Variants in ABCB1 observed in about 807,000 individuals in gnomAD.
ABCB1 encodes the protein ATP binding cassette subfamily B member 1.
ABCB1 carries 69 observed loss-of-function variants against 142.0 expected under a neutral mutation model. That is an observed-to-expected ratio of 0.49 (90% CI 0.40 to 0.59). ABCB1 has a LOEUF of 0.59. Ranked by LOEUF, ABCB1 falls within the 20% of genes least tolerant of loss-of-function variation. ABCB1 has a pLI of 0.00. For synonymous variants in ABCB1, 532 were observed against 539.2 expected (o/e 0.99, Z 0.18); for missense variants, 1,326 against 1,554.7 (o/e 0.85, Z 2.47).
At chr7:87,535,506 T>G (rs1407071342) in intron 20 of ABCB1, among the ~76,000 whole-genome samples, 1 of 141,806 alleles carries the variant, frequency 7.1e-6, no homozygotes, top group East Asian at 2.2e-4. Flanking sequence ...TCTATACAAC[T>G]TGATCTAAAC....
intron 1 of ABCB1, among the ~76,000 whole-genome samples, chr7:87,674,650 G>A (rs908052613): frequency 6.6e-6 from 1 of 152,016 alleles, no homozygotes; most frequent in Non-Finnish European, 1.5e-5. Flanking sequence ...TATTGGCAGG[G>A]GCTGGTCTGT....
At chr7:87,567,672 G>A (rs943986563) in intron 5 of ABCB1, among the ~76,000 whole-genome samples, 8 of 152,128 alleles carry the variant, frequency 5.3e-5, no homozygotes, top group Admixed American at 1.3e-4. Flanking sequence ...AATGCTTAAC[G>A]AATCAAATAG....
intron 1 of ABCB1, among the ~76,000 whole-genome samples, chr7:87,654,953 A>G (rs1216108414): frequency 1.3e-5 from 2 of 152,118 alleles, no homozygotes; most frequent in East Asian, 1.9e-4. Context: ...CAAAATCACT[A>G]TACAGCAAAT....
At chr7:87,618,951 G>A (rs1379951113) in intron 1 of ABCB1, among the ~76,000 whole-genome samples, 1 of 152,102 alleles carries the variant, frequency 6.6e-6, no homozygotes, top group Non-Finnish European at 1.5e-5. Flanking sequence ...ACTTGAATGA[G>A]CTTGGAAGTA....
At chr7:87,672,711 G>A (rs925306012) in intron 1 of ABCB1, among the ~76,000 whole-genome samples, 2 of 152,188 alleles carry the variant, frequency 1.3e-5, no homozygotes, top group Admixed American at 6.5e-5. Context: ...GGGTTCACAA[G>A]GAGATCTCCT....
chr7:87,567,096 A>G (rs1817815597), intron 5 of ABCB1, 120 bp from the exon 6 acceptor site: 1 of 901,028 alleles, frequency 1.1e-6, no homozygotes, highest in Non-Finnish European at 1.8e-6. Flanking sequence ...CTTAACAAAT[A>G]AGAAGGGGTT....
intron 7 of ABCB1, chr7:87,563,378 G>A (rs1174622809): frequency 2.0e-5 from 9 of 455,326 alleles, no homozygotes; most frequent in Non-Finnish European, 3.5e-5. Context: ...CTTTGGGCCA[G>A]TATCCTTGAT....
chr7:87,556,380 G>A (rs1271058478), intron 8 of ABCB1, among the ~76,000 whole-genome samples: 3 of 152,136 alleles, frequency 2.0e-5, no homozygotes, highest in African/African-American at 7.2e-5. Context: ...TATTCTATAC[G>A]ATTGAATGGA....
At chr7:87,590,868 T>G (rs1305709034) in intron 3 of ABCB1, among the ~76,000 whole-genome samples, 1 of 152,122 alleles carries the variant, frequency 6.6e-6, no homozygotes, top group Non-Finnish European at 1.5e-5. Context: ...GGGTAAATTT[T>G]TAGAAGAGCA....
At chr7:87,649,108 C>T (rs1034378759) in intron 1 of ABCB1, among the ~76,000 whole-genome samples, 4 of 151,998 alleles carry the variant, frequency 2.6e-5, no homozygotes, top group Admixed American at 2.0e-4. Context: ...CTGTCTTAGG[C>T]ACTCATATAC....
upstream of ABCB1, among the ~76,000 whole-genome samples, chr7:87,602,340 T>C (rs1819495117): frequency 6.9e-6 from 1 of 145,410 alleles, no homozygotes; most frequent in South Asian, 2.3e-4. Flanking sequence ...ATTAGGCTTC[T>C]AACAGGCCAC....
intron 1 of ABCB1, among the ~76,000 whole-genome samples, chr7:87,657,569 C>G (rs978412905): frequency 6.6e-6 from 1 of 152,184 alleles, no homozygotes; most frequent in African/African-American, 2.4e-5. Flanking sequence ...CAAAAACTCT[C>G]TCTCTCTTCC....
intron 14 of ABCB1, among the ~76,000 whole-genome samples, chr7:87,547,850 CA>C (rs1210127693): frequency 0.046 from 1,910 of 41,928 alleles, 16 homozygotes; most frequent in African/African-American, 0.11. Flanking sequence ...GACTCCATCT[CA>C]AAAAAAAAAA....
chr7:87,600,160 C>T lies in ABCB1; in HGVS notation c.25G>A (p.Gly9Arg). The T allele has an allele frequency of 6.2e-7, 1 of 1,614,138 alleles. No homozygotes were observed. Among genetic ancestry groups the T allele is most frequent in the South Asian group, 1.1e-5 (1 of 91,062 alleles). The change falls in exon 2 of 28, where the codon GGA (glycine) becomes AGA (arginine). Residue 9 changes from glycine (G) to arginine (R), a missense_variant. Transcript: ENST00000622132. MDLEGDRN[G>R]GAKKKNFFKL... ...AAAAAGTTCTTCTTCTTTGCTCCTC[C>T]ATTGCGGTCCCCTTCAAGATCCATT... is the stretch of plus-strand genomic sequence containing the variant.
In ABCB1 at chr7:87,544,890, C is replaced by G. The variant is rs750020655; in HGVS notation, c.1997G>C (p.Arg666Thr). 1 of 1,614,106 alleles carries G rather than the reference C, an allele frequency of 6.2e-7. No homozygotes were observed. The highest frequency in any genetic ancestry group is 1.3e-5 in the African/African-American group (1 of 75,052). ...NDSRSSLIRK[R>T]STRRSVRGSQ... ...TCCACGGACACTCCTACGAGTTGAT[C>G]TTTTTCTTATTAGACTGGATCTTGA... Residue 666 changes from arginine (R) to threonine (T), a missense_variant, in exon 16 of 28, where the codon AGA (arginine) becomes ACA (threonine). Physicochemically the swap from Arg to Thr is moderately conservative, Grantham distance 71 (BLOSUM62 -1). Transcript: ENST00000622132.
intron 23 of ABCB1, among the ~76,000 whole-genome samples, chr7:87,516,872 G>T (rs543595886): frequency 6.6e-6 from 1 of 151,654 alleles, no homozygotes; most frequent in East Asian, 1.9e-4. Context: ...TAGTAGCTGG[G>T]ACTACAACTG....
chr7:87,618,026 G>A (rs1003963246), intron 1 of ABCB1, among the ~76,000 whole-genome samples: 4 of 151,986 alleles, frequency 2.6e-5, no homozygotes, highest in African/African-American at 2.4e-5. Flanking sequence ...CTCCTACCTC[G>A]AGCTGCTTTA....
intron 26 of ABCB1, among the ~76,000 whole-genome samples, chr7:87,506,446 T>C (rs994476773): frequency 2.6e-5 from 4 of 152,206 alleles, no homozygotes; most frequent in African/African-American, 9.6e-5. Flanking sequence ...GGTGACACTC[T>C]CTGCATGATT....
At chr7:87,504,610 C>T (rs774951548) in intron 27 of ABCB1, among the ~76,000 whole-genome samples, 161 bp from the exon 28 acceptor site, 1 of 152,138 alleles carries the variant, frequency 6.6e-6, no homozygotes, top group Admixed American at 6.5e-5. Flanking sequence ...TTGAGACCAT[C>T]CTGGCTAACA....
Sources: allele counts gnomAD v4.1 joint callset (sites outside exome capture counted in the v4.1 genomes callset), GRCh38; gene constraint gnomAD v4.1.1; transcripts MANE v1.5; gene names NCBI Gene and HGNC (gene_info 2026-07-23, HGNC 2026-07-21).